Variants in ZNF385D observed in about 807,000 individuals in gnomAD.
ZNF385D encodes the protein zinc finger protein 385D.
Under a neutral mutation model 35.8 loss-of-function variants are expected in ZNF385D, and 15 were observed. That is an observed-to-expected ratio of 0.42 (90% CI 0.28 to 0.64). ZNF385D has a LOEUF of 0.64. Ranked by LOEUF, ZNF385D falls within the 30% of genes least tolerant of loss-of-function variation. The pLI is 0.23. For missense variants in ZNF385D, 474 were observed against 494.6 expected, an observed-to-expected ratio of 0.96 and a Z score of 0.39; for synonymous variants, 212 against 186.8, an observed-to-expected ratio of 1.13 and a Z score of -1.10.
At chr3:21,593,599 TACTC>T (rs1354805275) in intron 2 of ZNF385D, among the ~76,000 whole-genome samples, 1 of 152,080 alleles carries the variant, frequency 6.6e-6, no homozygotes, top group Non-Finnish European at 1.5e-5. Flanking sequence ...AATCCCACCT[TACTC>T]AAACATATGT....
At chr3:22,164,879 G>C (rs1440660519) in intron 3 of ZNF385D, among the ~76,000 whole-genome samples, 1 of 152,104 alleles carries the variant, frequency 6.6e-6, no homozygotes, top group Non-Finnish European at 1.5e-5. Context: ...ACAGAGAAAA[G>C]TTACATGCAT....
At chr3:22,015,478 A>T (rs997925916) in intron 3 of ZNF385D, among the ~76,000 whole-genome samples, 1 of 151,996 alleles carries the variant, frequency 6.6e-6, no homozygotes, top group Non-Finnish European at 1.5e-5. Flanking sequence ...CCCACAGCTC[A>T]CTGTCATTCA....
intron 2 of ZNF385D, among the ~76,000 whole-genome samples, chr3:21,619,403 C>T (rs960842349): frequency 3.6e-5 from 5 of 140,582 alleles, no homozygotes; most frequent in African/African-American, 1.5e-4. Context: ...TAGTTGTCAT[C>T]GTGTGTGTGC....
intron 3 of ZNF385D, among the ~76,000 whole-genome samples, chr3:21,518,313 T>C (rs1707703509): frequency 6.6e-6 from 1 of 152,184 alleles, no homozygotes; most frequent in Admixed American, 6.6e-5. Flanking sequence ...AATAGCAAAT[T>C]AACCTTGAAA....
chr3:22,168,659 G>C, intron 3 of ZNF385D: 1 of 309,098 alleles, frequency 3.2e-6, no homozygotes, highest in Non-Finnish European at 4.7e-6. Context: ...CTCTCAAAGA[G>C]AAATGATGTA....
At chr3:21,477,480 A>G (rs1192091755) in intron 4 of ZNF385D, among the ~76,000 whole-genome samples, 2 of 152,112 alleles carry the variant, frequency 1.3e-5, no homozygotes, top group Non-Finnish European at 2.9e-5. Flanking sequence ...TAGAATTTGC[A>G]TCATATTTAA....
rs115386747 is a variant in ZNF385D, at chr3:22,017,368, C to T, written c.325+151449G>A. Reference sequence around the variant, plus strand: ...ATGCTATACCACTGTTCTTTCGGTTCGTAGATCTCTGGCATATCTCTTTTC... The same window carrying T: ...ATGCTATACCACTGTTCTTTCGGTTTGTAGATCTCTGGCATATCTCTTTTC... On this transcript the variant is annotated intron_variant, in intron 3 of 5. Coordinates refer to the ZNF385D transcript ENST00000494108. 5.6e-3 allele frequency among the ~76,000 whole-genome samples: 845 copies of T among 151,976 alleles called. 9 individuals carry two copies. The highest frequency in any genetic ancestry group is 0.018 in the African/African-American group (767 of 41,498).
chr3:22,178,809 C>T (rs544607031), intron 2 of ZNF385D, among the ~76,000 whole-genome samples: 2 of 152,156 alleles, frequency 1.3e-5, no homozygotes, highest in African/African-American at 4.8e-5. Flanking sequence ...ATATGGCTAG[C>T]CAGTTTTCCC....
chr3:21,493,862 A>G (rs1291869623), intron 4 of ZNF385D, among the ~76,000 whole-genome samples: 1 of 152,190 alleles, frequency 6.6e-6, no homozygotes, highest in Middle Eastern at 3.2e-3. Flanking sequence ...GAGATCATAC[A>G]TATCCTGCAA....
At chr3:21,836,980 G>T (rs1380808056) in intron 3 of ZNF385D, among the ~76,000 whole-genome samples, 1 of 151,938 alleles carries the variant, frequency 6.6e-6, no homozygotes, top group East Asian at 1.9e-4. Flanking sequence ...AATTTTTAAG[G>T]AGAAACATGA....
At chr3:21,490,634 T>G (rs1705364449) in intron 4 of ZNF385D, among the ~76,000 whole-genome samples, 1 of 152,038 alleles carries the variant, frequency 6.6e-6, no homozygotes, top group South Asian at 2.1e-4. Context: ...TATGGAGAGG[T>G]CACTAGTGGG....
intron 3 of ZNF385D, among the ~76,000 whole-genome samples, chr3:22,030,286 T>TATCCTATACAAATAACAAATAGG (rs1697896974): frequency 1.0e-5 from 1 of 100,278 alleles, no homozygotes; most frequent in African/African-American, 4.1e-5. Context: ...TATATATATA[T>TATCCTATACAAATAACAAATAGG]ATATATATAT....
chr3:22,315,180 T>C (rs1397726534), intron 2 of ZNF385D, among the ~76,000 whole-genome samples: 1 of 151,752 alleles, frequency 6.6e-6, no homozygotes, highest in Non-Finnish European at 1.5e-5. Flanking sequence ...AAAGAAGAAA[T>C]AGGATTTGGG....
intron 3 of ZNF385D, among the ~76,000 whole-genome samples, chr3:22,100,651 A>G (rs1320637468): frequency 7.6e-6 from 1 of 131,154 alleles, no homozygotes; most frequent in Non-Finnish European, 1.6e-5. Flanking sequence ...ACATGGACAC[A>G]GGAAGGGGAA....
intron 2 of ZNF385D, among the ~76,000 whole-genome samples, chr3:21,648,064 GA>G (rs1161113465): frequency 2.0e-5 from 3 of 152,154 alleles, no homozygotes; most frequent in Non-Finnish European, 4.4e-5. Flanking sequence ...TGAGATTCCA[GA>G]AAGGCTTGGG....
chr3:22,100,401 G>C (rs11925630), intron 3 of ZNF385D, among the ~76,000 whole-genome samples: 24,893 of 144,642 alleles, frequency 0.17, 2,665 homozygotes, highest in African/African-American at 0.35. Context: ...TATTGCGGCA[G>C]TATTCACAAT....
At chr3:21,640,347 G>C (rs1015329702) in intron 2 of ZNF385D, among the ~76,000 whole-genome samples, 2 of 152,010 alleles carry the variant, frequency 1.3e-5, no homozygotes, top group African/African-American at 4.8e-5. Flanking sequence ...ATGTTCTTAA[G>C]GTCTATCGCC....
intron 3 of ZNF385D, among the ~76,000 whole-genome samples, chr3:21,978,596 G>C (rs1038529510): frequency 1.3e-5 from 2 of 152,172 alleles, no homozygotes; most frequent in Non-Finnish European, 2.9e-5. Context: ...TTTGTCTCCA[G>C]ACTAGGCCTG....
intron 2 of ZNF385D, among the ~76,000 whole-genome samples, chr3:21,583,959 C>CTTATTTATTTATTTAT (rs56661908): frequency 5.7e-4 from 79 of 138,294 alleles, no homozygotes; most frequent in African/African-American, 1.8e-3. Context: ...TACTTATTTA[C>CTTATTTATTTATTTAT]TTATTTATTT....
Sources: gnomAD v4.1 joint callset for allele counts (sites outside exome capture counted in the v4.1 genomes callset) on GRCh38, gnomAD v4.1.1 for gene constraint, MANE v1.5 for transcripts, NCBI Gene and HGNC (gene_info 2026-07-23, HGNC 2026-07-21) for gene names.